The following LRIG2 variants were observed in gnomAD, a reference collection of about 807,000 sequenced individuals.
The protein encoded by LRIG2 is leucine rich repeats and immunoglobulin like domains 2, also known as leucine-rich repeats and immunoglobulin-like domains protein 2.
Under a neutral mutation model 107.8 loss-of-function variants are expected in LRIG2, and 93 were observed. The observed-to-expected ratio is 0.86, with a 90% CI of 0.73 to 1.03. The LOEUF is 1.03. Among genes scored for constraint, LRIG2 ranks in the 50% least tolerant of loss-of-function variants. The pLI is 0.00. For synonymous variants in LRIG2, 471 were observed against 470.6 expected, an observed-to-expected ratio of 1.00 and a Z score of -0.01; for missense variants, 1,226 against 1,296.0, an observed-to-expected ratio of 0.95 and a Z score of 0.83.
At chr1:113,110,160 A>T in intron 12 of LRIG2, 82 bp from the exon 13 acceptor site, 1 of 996,006 alleles carries the variant, frequency 1.0e-6, no homozygotes, top group Non-Finnish European at 1.5e-6. Flanking sequence ...CAGAACACAC[A>T]ATTTTATAGT....
intron 14 of LRIG2, among the ~76,000 whole-genome samples, chr1:113,113,159 C>T (rs979584826): frequency 3.4e-5 from 5 of 148,168 alleles, no homozygotes; most frequent in Non-Finnish European, 7.4e-5. Context: ...TGATAGGAAC[C>T]TAAGACTATT....
chr1:113,074,776 G>A (rs1248528543), intron 1 of LRIG2, among the ~76,000 whole-genome samples: 3 of 151,938 alleles, frequency 2.0e-5, no homozygotes, highest in African/African-American at 4.8e-5. Context: ...GGGTGTGGTG[G>A]TGTGCGCCTG....
intron 4 of LRIG2, 34 bp from the exon 5 acceptor site, chr1:113,094,305 A>G (rs1374807006): frequency 1.3e-6 from 2 of 1,543,542 alleles, no homozygotes. Flanking sequence ...ATTTTACTAA[A>G]TTTTTTCTTT....
At chr1:113,086,122 A>C (rs185478323) in intron 1 of LRIG2, among the ~76,000 whole-genome samples, 232 of 146,830 alleles carry the variant, frequency 1.6e-3, no homozygotes, top group African/African-American at 5.6e-3. Context: ...CTCCTATCTC[A>C]GCCTCTGAGT....
At chr1:113,103,707 CTCCTGACTGA>C (rs1354273676) in intron 11 of LRIG2, 1 of 153,034 alleles carries the variant, frequency 6.5e-6, no homozygotes, top group Non-Finnish European at 1.5e-5. Flanking sequence ...ATTGTCTTCA[CTCCTGACTGA>C]TAGATCGGGG....
rs1045657526 is a variant in LRIG2 at position 113,128,233 on chromosome 1, CTA to C, written c.*4134_*4135del. 1 of 152,128 alleles carries C rather than the reference CTA, an allele frequency of 6.6e-6. No homozygotes were observed. The highest frequency in any genetic ancestry group is 1.5e-5 in the Non-Finnish European group (1 of 68,034). The allele number at this position is 152,128 out of a possible 1,614,324, so 9.4% of individuals were successfully genotyped here. On this transcript the variant is annotated 3_prime_UTR_variant, in exon 18 of 18. Coordinates refer to ENST00000361127, the MANE Select transcript of LRIG2 (RefSeq NM_014813.3). ...ACTGCCACACCTTTTTATGTCTTTA[CTA>C]TGTCAGCCTCTGATCATTTTCACTT...
Position 113,098,787 on chromosome 1 carries a change from T to C in LRIG2, c.1172+2T>C. On this transcript the variant is annotated splice_donor_variant, in intron 9 of 17. Coordinates refer to ENST00000361127, the MANE Select transcript of LRIG2 (RefSeq NM_014813.3). LOFTEE classifies it high-confidence loss of function. ...TGGACTCACAAGTCTCACTAAACTG[T>C]ATGTATTATAATATTTATGTATGTC... 2 of 1,566,484 alleles carry C rather than the reference T, an allele frequency of 1.3e-6. No homozygotes were observed. The highest frequency in any genetic ancestry group is 2.2e-5 in the South Asian group (2 of 90,120).
At chr1:113,088,591 C>A (rs1191972690) in intron 1 of LRIG2, among the ~76,000 whole-genome samples, 1 of 152,086 alleles carries the variant, frequency 6.6e-6, no homozygotes, top group East Asian at 1.9e-4. Context: ...AAAATGAAAG[C>A]CCTTAATCTG....
chr1:113,093,355 G>A, intron 3 of LRIG2, 75 bp downstream of exon 3: 1 of 1,562,172 alleles, frequency 6.4e-7, no homozygotes, highest in Non-Finnish European at 8.7e-7. Flanking sequence ...CACATATATT[G>A]TTGATTCTAA....
rs143052419 is a variant in LRIG2 at position 113,082,947 on chromosome 1, C to T, written c.240-8371C>T. 2.7e-3 allele frequency among the ~76,000 whole-genome samples: 415 copies of T among 151,752 alleles called. 2 individuals carry two copies. The highest frequency in any genetic ancestry group is 8.8e-3 in the African/African-American group (363 of 41,364). ...ATGGGATTACAGGCATGAGCCACCA[C>T]GCCCAGGCTGGAGTTCAGTGTTGCA... On this transcript the variant is annotated intron_variant, in intron 1 of 17. Coordinates refer to ENST00000361127, the MANE Select transcript of LRIG2 (RefSeq NM_014813.3).
At position 113,073,215 on chromosome 1, in the gene LRIG2, CA is replaced by C. The variant is rs1652766904; in HGVS notation, c.-191del. ...GGAGGGGCGGACGAGAGGTGTCCGTCAGGCCGTGTGTCCCAGGCCGTCGACC... is the reference window on the plus strand; with the variant it reads ...GGAGGGGCGGACGAGAGGTGTCCGTCGGCCGTGTGTCCCAGGCCGTCGACC... On this transcript the variant is annotated 5_prime_UTR_variant, in exon 1 of 18. Transcript: ENST00000361127. 1 of 595,226 alleles carries C rather than the reference CA, an allele frequency of 1.7e-6. No individual in the cohort carries two copies. The highest frequency in any genetic ancestry group is 1.8e-5 in the African/African-American group (1 of 54,166). 36.9% of individuals were successfully genotyped at this position (595,226 alleles called of 1,614,324 possible).
chr1:113,091,197 T>C, intron 1 of LRIG2, 121 bp from the exon 2 acceptor site: 1 of 554,310 alleles, frequency 1.8e-6, no homozygotes, highest in Non-Finnish European at 3.1e-6. Flanking sequence ...GTGCCAGGAT[T>C]ACAGGCATGA....
In LRIG2 at chr1:113,112,597, T is replaced by A. The variant is rs1331180602; in HGVS notation, c.1917T>A (p.Gly639=). 1.2e-6 allele frequency: 2 copies of A among 1,614,048 alleles called. No individual in the cohort carries two copies. The highest frequency in any genetic ancestry group is 4.5e-5 in the East Asian group (2 of 44,884). ...CTCAGATTTCCTGGCAGAAAGATGG[T>A]GGTACTGACTTTCCTGCGGCTCGAG... ...PAPQISWQKD[G]GTDFPAARER... is the part of the protein sequence containing the mutation. Residue 639 remains glycine (G), a synonymous_variant, in exon 14 of 18, where the codon GGT becomes GGA. Transcript: ENST00000361127.
chr1:113,083,658 T>C (rs1044506746), intron 1 of LRIG2, among the ~76,000 whole-genome samples: 4 of 151,688 alleles, frequency 2.6e-5, no homozygotes, highest in East Asian at 1.9e-4. Context: ...CTGCACACTT[T>C]TAAGCCACCA....
intron 1 of LRIG2, among the ~76,000 whole-genome samples, chr1:113,086,410 C>CATTAG (rs1346272072): frequency 6.6e-6 from 1 of 152,214 alleles, no homozygotes; most frequent in Non-Finnish European, 1.5e-5. Context: ...GAAGCACTGT[C>CATTAG]ATACCCAAAA....
At chr1:113,102,202 A>C (rs896418703) in intron 11 of LRIG2, among the ~76,000 whole-genome samples, 2 of 152,146 alleles carry the variant, frequency 1.3e-5, no homozygotes. Context: ...AAATATCTAC[A>C]ATTTTTTTGA....
chr1:113,114,744 G>C lies in LRIG2; in HGVS notation c.2398G>C (p.Asp800His). Residue 800 changes from aspartate (D) to histidine (H), a missense_variant, in exon 15 of 18, where the codon GAT becomes CAT. Asp to His is a moderately conservative substitution (Grantham distance 81, BLOSUM62 -1). This residue lies in a region of LRIG2 where 642 missense variants were observed against 712.2 expected (regional missense o/e 0.90). Transcript: ENST00000361127. Reference protein sequence around the residue: ...DSSQSSIGHEDDGWTTVGIVI... With the variant: ...DSSQSSIGHEHDGWTTVGIVI... ...TTCCCAGAGTAGCATTGGGCATGAA[G>C]ATGATGGCTGGACCACAGTTGGCAT... is the stretch of plus-strand genomic sequence containing the variant. The C allele has an allele frequency of 6.2e-7, 1 of 1,614,154 alleles. No homozygotes were observed. Among genetic ancestry groups the C allele is most frequent in the Non-Finnish European group, 8.5e-7 (1 of 1,180,024 alleles).
intron 11 of LRIG2, among the ~76,000 whole-genome samples, chr1:113,104,616 C>T (rs1250832272): frequency 6.6e-6 from 1 of 151,688 alleles, no homozygotes; most frequent in Non-Finnish European, 1.5e-5. Flanking sequence ...CTTCCGGGTT[C>T]AAGCAGTTCT....
chr1:113,121,651 G>A (rs1259527564), intron 17 of LRIG2, among the ~76,000 whole-genome samples: 1 of 151,938 alleles, frequency 6.6e-6, no homozygotes, highest in Non-Finnish European at 1.5e-5. Context: ...GCTGAGGCAG[G>A]AGAATCACTT....
Sources: gnomAD v4.1 joint callset for allele counts (sites outside exome capture counted in the v4.1 genomes callset) on GRCh38, gnomAD v4.1.1 for gene constraint, gnomAD v4.1.1 regional missense constraint, MANE v1.5 for transcripts, NCBI Gene and HGNC (gene_info 2026-07-23, HGNC 2026-07-21) for gene names.